FRAS1: variants seen among roughly 807,000 people sequenced by gnomAD.
The protein encoded by FRAS1 is extracellular matrix organizing protein FRAS1.
FRAS1 carries 290 observed loss-of-function variants against 435.2 expected under a neutral mutation model. That is an observed-to-expected ratio of 0.67 (90% CI 0.61 to 0.73). FRAS1 has a LOEUF of 0.73. Among genes scored for constraint, FRAS1 ranks in the 30% least tolerant of loss-of-function variants. The pLI is 0.00. For missense variants in FRAS1, 4,860 were observed against 5,001.5 expected (o/e 0.97, Z 0.85); for synonymous variants, 1,800 against 1,851.0 (o/e 0.97, Z 0.71).
chr4:78,258,996 G>A (rs1264426080), intron 6 of FRAS1, among the ~76,000 whole-genome samples: 12 of 135,200 alleles, frequency 8.9e-5, no homozygotes, highest in Non-Finnish European at 1.6e-4. Flanking sequence ...TGATAATGAT[G>A]ATTTCCAATT....
chr4:78,114,020 G>C (rs891203174), intron 2 of FRAS1, among the ~76,000 whole-genome samples: 6 of 152,160 alleles, frequency 3.9e-5, no homozygotes, highest in African/African-American at 1.4e-4. Context: ...GTGTAAGGAA[G>C]GGATCTAGTT....
At chr4:78,085,756 A>G (rs1023225932) in intron 2 of FRAS1, among the ~76,000 whole-genome samples, 5 of 152,196 alleles carry the variant, frequency 3.3e-5, no homozygotes, top group African/African-American at 1.2e-4. Context: ...CCAATACAGG[A>G]GCACCCAGAT....
chr4:78,301,846 G>GTTT (rs59794614), intron 14 of FRAS1, among the ~76,000 whole-genome samples: 1,096 of 103,352 alleles, frequency 0.011, 8 homozygotes, highest in African/African-American at 0.013. Flanking sequence ...CACAGAAACA[G>GTTT]TTTTTTTTTT....
At chr4:78,440,720 G>A (rs1734625991) in intron 40 of FRAS1, among the ~76,000 whole-genome samples, 1 of 152,112 alleles carries the variant, frequency 6.6e-6, no homozygotes, top group Non-Finnish European at 1.5e-5. Context: ...GAATAAACAG[G>A]ACTTTTATTC....
At chr4:78,495,357 T>A (rs1720480996) in intron 59 of FRAS1, among the ~76,000 whole-genome samples, 1 of 152,138 alleles carries the variant, frequency 6.6e-6, no homozygotes, top group South Asian at 2.1e-4. Context: ...TGCCTTATGA[T>A]TAGTCCTTTT....
chr4:78,104,293 T>C (rs1033132426), intron 2 of FRAS1, among the ~76,000 whole-genome samples: 2 of 152,366 alleles, frequency 1.3e-5, no homozygotes, highest in African/African-American at 4.8e-5. Context: ...AATGTTAACA[T>C]GTTTGCTCCA....
chr4:78,234,825 A>AT (rs1308157487), intron 2 of FRAS1, among the ~76,000 whole-genome samples: 3 of 152,112 alleles, frequency 2.0e-5, no homozygotes, highest in Admixed American at 1.3e-4. Flanking sequence ...GGGTGATTTT[A>AT]TTTTTTGCTT....
intron 2 of FRAS1, among the ~76,000 whole-genome samples, chr4:78,140,378 C>CT (rs755622378): frequency 1.3e-5 from 2 of 152,160 alleles, no homozygotes; most frequent in South Asian, 4.1e-4. Context: ...TGAAGTTGCA[C>CT]TTTTATTTTA....
chr4:78,061,510 C>T (rs1739759498), intron 1 of FRAS1, among the ~76,000 whole-genome samples: 1 of 152,158 alleles, frequency 6.6e-6, no homozygotes, highest in African/African-American at 2.4e-5. Context: ...TAGCCATTCC[C>T]ACAAACGCTG....
At chr4:78,247,386 A>G in intron 4 of FRAS1, among the ~76,000 whole-genome samples, 1 of 152,184 alleles carries the variant, frequency 6.6e-6, no homozygotes, top group East Asian at 1.9e-4. Context: ...TCAAAACTAT[A>G]GTTTTTTGGG....
chr4:78,302,090 T>C (rs1212127093), intron 14 of FRAS1, among the ~76,000 whole-genome samples: 3 of 150,440 alleles, frequency 2.0e-5, no homozygotes, highest in Non-Finnish European at 4.4e-5. Context: ...CACCTATGAG[T>C]GAGAATATGC....
chr4:78,066,842 G>GA (rs1370665398), intron 2 of FRAS1, among the ~76,000 whole-genome samples: 1 of 152,078 alleles, frequency 6.6e-6, no homozygotes. Flanking sequence ...AATAGCTGAG[G>GA]AATATCTGAA....
intron 43 of FRAS1, among the ~76,000 whole-genome samples, chr4:78,447,234 T>A (rs1718867386): frequency 6.9e-6 from 1 of 145,884 alleles, no homozygotes; most frequent in African/African-American, 2.6e-5. Context: ...CTTGAGCCAT[T>A]TTATGTACCC....
At chr4:78,201,224 C>T (rs1173469969) in intron 2 of FRAS1, among the ~76,000 whole-genome samples, 1 of 152,190 alleles carries the variant, frequency 6.6e-6, no homozygotes, top group African/African-American at 2.4e-5. Flanking sequence ...AAAGTCAACA[C>T]TCAAGAACTG....
intron 22 of FRAS1, among the ~76,000 whole-genome samples, chr4:78,366,535 G>A (rs17003164): frequency 0.074 from 11,245 of 152,270 alleles, 463 homozygotes; most frequent in Non-Finnish European, 0.091. Context: ...AGCCAATGGA[G>A]TATTGAAGTA....
At position 78,183,109 on chromosome 4, in the gene FRAS1, C is replaced by T. The variant is rs372485859; in HGVS notation, c.109-54401C>T. Reference sequence around the variant, plus strand: ...GAAGTCTCTGATGTTGAGACAGGGTCGAGAGTGTCCAGAGTTGTAGTGGGT... The same window carrying T: ...GAAGTCTCTGATGTTGAGACAGGGTTGAGAGTGTCCAGAGTTGTAGTGGGT... On this transcript the variant is annotated intron_variant, in intron 2 of 73. Coordinates refer to ENST00000512123, the MANE Select transcript of FRAS1 (RefSeq NM_025074.7). Among the ~76,000 whole-genome samples, 129 of 152,036 alleles carry T rather than the reference C, an allele frequency of 8.5e-4. 2 individuals carry two copies. Among genetic ancestry groups the T allele is most frequent in the African/African-American group, 2.9e-3 (120 of 41,420 alleles).
chr4:78,082,235 A>G (rs1740931840), intron 2 of FRAS1, among the ~76,000 whole-genome samples: 1 of 152,092 alleles, frequency 6.6e-6, no homozygotes, highest in Non-Finnish European at 1.5e-5. Flanking sequence ...TTGAAAATAT[A>G]TGTCCTTTCT....
chr4:78,286,540 G>A lies in FRAS1; in HGVS notation c.1534+1G>A, dbSNP rs758479010. The A allele has an allele frequency of 6.2e-7, 1 of 1,611,210 alleles. No individual in the cohort carries two copies. The highest frequency in any genetic ancestry group is 8.5e-7 in the Non-Finnish European group (1 of 1,179,194). On this transcript the variant is annotated splice_donor_variant, in intron 14 of 73. Coordinates refer to ENST00000512123, the MANE Select transcript of FRAS1 (RefSeq NM_025074.7). LOFTEE classifies it high-confidence loss of function. ...TACCAAGATCGCCATTCCTGTGCAG[G>A]TAATCTCTGGCTGGGCCACAGTTGG...
intron 2 of FRAS1, among the ~76,000 whole-genome samples, chr4:78,168,203 T>A (rs1349954154): frequency 1.3e-5 from 2 of 151,978 alleles, no homozygotes; most frequent in African/African-American, 4.8e-5. Context: ...AAATATAGAC[T>A]AATGCCCTTT....
Sources: gnomAD v4.1 joint callset for allele counts (sites outside exome capture counted in the v4.1 genomes callset) on GRCh38, gnomAD v4.1.1 for gene constraint, MANE v1.5 for transcripts, NCBI Gene and HGNC (gene_info 2026-07-23, HGNC 2026-07-21) for gene names.